Variants in ARHGEF26 observed in about 807,000 individuals in gnomAD.
ARHGEF26 encodes the protein Rho guanine nucleotide exchange factor (GEF) 26.
ARHGEF26 carries 59 observed loss-of-function variants against 89.4 expected under a neutral mutation model. The ratio of observed to expected loss-of-function variants is 0.66; its 90% CI spans 0.54 to 0.82. ARHGEF26 has a LOEUF of 0.82. Ranked by LOEUF, ARHGEF26 falls within the 40% of genes least tolerant of loss-of-function variation. The pLI is 0.00. For synonymous variants in ARHGEF26, 500 were observed against 428.4 expected (o/e 1.17, Z -2.06); for missense variants, 1,234 against 1,085.6 (o/e 1.14, Z -1.92).
At chr3:154,181,084 A>G (rs539145254) in intron 6 of ARHGEF26, among the ~76,000 whole-genome samples, 17 of 152,312 alleles carry the variant, frequency 1.1e-4, no homozygotes, top group Admixed American at 1.0e-3. Context: ...CTGATCCAGT[A>G]TGTCAAAAGA....
At chr3:154,136,201 G>T (rs1375885632) in intron 4 of ARHGEF26, among the ~76,000 whole-genome samples, 1 of 79,820 alleles carries the variant, frequency 1.3e-5, no homozygotes, top group African/African-American at 4.1e-5. Flanking sequence ...GTCAGAAATG[G>T]TTTGATTTCT....
At chr3:154,200,961 T>G (rs1239176794) in intron 9 of ARHGEF26, among the ~76,000 whole-genome samples, 1 of 151,970 alleles carries the variant, frequency 6.6e-6, no homozygotes, top group Non-Finnish European at 1.5e-5. Context: ...TTACTGAATT[T>G]GTTTATTCTG....
chr3:154,215,706 G>A (rs1715676344), intron 9 of ARHGEF26, among the ~76,000 whole-genome samples: 1 of 152,066 alleles, frequency 6.6e-6, no homozygotes, highest in African/African-American at 2.4e-5. Flanking sequence ...TTCTCCCTAT[G>A]TCCTCACATG....
chr3:154,174,915 A>G (rs1288785355), intron 6 of ARHGEF26, among the ~76,000 whole-genome samples: 1 of 152,176 alleles, frequency 6.6e-6, no homozygotes, highest in African/African-American at 2.4e-5. Context: ...ATATAGACAT[A>G]TACTTTTTAT....
Position 154,122,101 on chromosome 3 carries a change from C to T in ARHGEF26, c.109C>T (p.Pro37Ser). 1 of 1,610,900 alleles carries T rather than the reference C, an allele frequency of 6.2e-7. No individual in the cohort carries two copies. Among genetic ancestry groups the T allele is most frequent in the East Asian group, 2.2e-5 (1 of 44,740 alleles). ...GGTTCTGGGCCGGAGCAAGCCGAGGCCCCAGTCCTACCAGAGCCCCAACGG... is the reference window on the plus strand; with the variant it reads ...GGTTCTGGGCCGGAGCAAGCCGAGGTCCCAGTCCTACCAGAGCCCCAACGG... Reference protein sequence around the residue: ...HQVLGRSKPRPQSYQSPNGLL... With the variant: ...HQVLGRSKPRSQSYQSPNGLL... The change falls in exon 2 of 15, where the codon CCC becomes TCC. Residue 37 changes from proline to serine, a missense_variant. Transcript: ENST00000465093.
At chr3:154,143,464 C>G (rs1185469287) in intron 4 of ARHGEF26, among the ~76,000 whole-genome samples, 2 of 152,254 alleles carry the variant, frequency 1.3e-5, no homozygotes, top group South Asian at 2.1e-4. Context: ...ACTAGCTCCT[C>G]AAATAAGTGG....
intron 4 of ARHGEF26, among the ~76,000 whole-genome samples, chr3:154,135,110 G>A (rs976384688): frequency 6.6e-6 from 1 of 152,086 alleles, no homozygotes; most frequent in African/African-American, 2.4e-5. Context: ...TGAGAGAGGA[G>A]TTCCTCTTCT....
chr3:154,132,327 A>G (rs1718729172), intron 4 of ARHGEF26, among the ~76,000 whole-genome samples: 1 of 152,142 alleles, frequency 6.6e-6, no homozygotes, highest in Non-Finnish European at 1.5e-5. Context: ...TTTTTAGACT[A>G]TTACAGCGAA....
intron 12 of ARHGEF26, 138 bp from the exon 13 acceptor site, chr3:154,252,978 A>T: frequency 1.2e-6 from 1 of 840,604 alleles, no homozygotes; most frequent in Non-Finnish European, 1.9e-6. Context: ...CTTTTAAACT[A>T]CTCTCACCCT....
rs142543694 is a variant in ARHGEF26 at position 154,257,135 on chromosome 3, C to T, written c.*1662C>T. On this transcript the variant is annotated 3_prime_UTR_variant, in exon 15 of 15. Transcript: ENST00000465093. Reference sequence around the variant, plus strand: ...GGGTAAGTGTGCCTGGCTCACACAGCCTGCACCCTGTCACCTCGGCAATGA... The same window carrying T: ...GGGTAAGTGTGCCTGGCTCACACAGTCTGCACCCTGTCACCTCGGCAATGA... 304 of 814,504 alleles carry T rather than the reference C, an allele frequency of 3.7e-4. No individual in the cohort carries two copies. Among genetic ancestry groups the T allele is most frequent in the Admixed American group, 6.2e-4 (18 of 29,088 alleles). The allele number at this position is 814,504 out of a possible 1,614,324, so 50.5% of individuals were successfully genotyped here.
rs563128552 is a variant in ARHGEF26, at chr3:154,129,227, A to T, written c.1124-347A>T. Among the ~76,000 whole-genome samples the T allele has an allele frequency of 1.4e-4, 21 of 152,308 alleles. 1 individual carries two copies. Among genetic ancestry groups the T allele is most frequent in the African/African-American group, 5.1e-4 (21 of 41,558 alleles). ...CACAATAAATGTTTATTAAATAGAT[A>T]AATGAATGGTGATGGACCTTAAATA... On this transcript the variant is annotated intron_variant, in intron 3 of 14. Transcript: ENST00000465093.
intron 11 of ARHGEF26, among the ~76,000 whole-genome samples, chr3:154,231,986 C>G (rs1716855905): frequency 6.6e-6 from 1 of 151,496 alleles, no homozygotes; most frequent in East Asian, 1.9e-4. Flanking sequence ...TATATTTTTC[C>G]TTTTTATTGA....
chr3:154,127,014 A>G (rs1718371410), intron 3 of ARHGEF26, among the ~76,000 whole-genome samples: 1 of 152,196 alleles, frequency 6.6e-6, no homozygotes, highest in Admixed American at 6.5e-5. Flanking sequence ...TAAAAATACA[A>G]TATAAAATAT....
At chr3:154,126,434 C>A (rs190929504) in intron 3 of ARHGEF26, among the ~76,000 whole-genome samples, 1 of 152,158 alleles carries the variant, frequency 6.6e-6, no homozygotes, top group Admixed American at 6.5e-5. Flanking sequence ...CCCCCATATC[C>A]GGTCTTTCAC....
chr3:154,131,304 A>G (rs1425193272), intron 4 of ARHGEF26, among the ~76,000 whole-genome samples: 1 of 152,196 alleles, frequency 6.6e-6, no homozygotes, highest in African/African-American at 2.4e-5. Context: ...GAATGTACAA[A>G]TCCAGACTTT....
At chr3:154,210,480 A>AT (rs1400883991) in intron 9 of ARHGEF26, among the ~76,000 whole-genome samples, 14 of 151,900 alleles carry the variant, frequency 9.2e-5, no homozygotes, top group African/African-American at 3.1e-4. Flanking sequence ...AGCCTGACTA[A>AT]TTTTTTGTAT....
intron 12 of ARHGEF26, among the ~76,000 whole-genome samples, chr3:154,249,247 A>G (rs148340583): frequency 4.1e-4 from 62 of 152,286 alleles, no homozygotes; most frequent in African/African-American, 1.3e-3. Context: ...CCTACTTCCT[A>G]CTTTCTCAGT....
intron 9 of ARHGEF26, among the ~76,000 whole-genome samples, chr3:154,208,300 T>C (rs1210838122): frequency 6.6e-6 from 1 of 152,214 alleles, no homozygotes; most frequent in African/African-American, 2.4e-5. Context: ...TCCCTTGCCT[T>C]GGTCCCTCAA....
At chr3:154,231,825 A>G (rs1357624550) in intron 11 of ARHGEF26, among the ~76,000 whole-genome samples, 3 of 152,018 alleles carry the variant, frequency 2.0e-5, no homozygotes, top group Admixed American at 6.5e-5. Flanking sequence ...GCGGCAAGTG[A>G]GTGAGGAAAA....
Sources: allele counts gnomAD v4.1 joint callset (sites outside exome capture counted in the v4.1 genomes callset), GRCh38; gene constraint gnomAD v4.1.1; transcripts MANE v1.5; gene names NCBI Gene and HGNC (gene_info 2026-07-23, HGNC 2026-07-21).